RSRC1: variants seen among roughly 807,000 people sequenced by gnomAD.
RSRC1 encodes arginine and serine rich coiled-coil 1, also known as serine/Arginine-related protein 53.
In RSRC1, 39 loss-of-function variants were observed where a neutral mutation model predicts 49.1. The ratio of observed to expected loss-of-function variants is 0.79; its 90% CI spans 0.61 to 1.04. RSRC1 has a LOEUF of 1.04. Ranked by LOEUF, RSRC1 falls within the 50% of genes least tolerant of loss-of-function variation. The pLI, the probability that RSRC1 is intolerant of heterozygous loss-of-function variation, is 0.00. For synonymous variants in RSRC1, 143 were observed against 130.8 expected (o/e 1.09, Z -0.63); for missense variants, 388 against 402.4 (o/e 0.96, Z 0.31).
At chr3:158,233,609 C>A (rs73166334) in intron 4 of RSRC1, among the ~76,000 whole-genome samples, 18,306 of 152,112 alleles carry the variant, frequency 0.12, 1,366 homozygotes, top group Middle Eastern at 0.2. Context: ...GCATTCTTTT[C>A]ATGATAAATG....
In RSRC1 at chr3:158,499,391, A is replaced by G. The variant is rs1481109613; in HGVS notation, c.653-37701A>G. On this transcript the variant is annotated intron_variant, in intron 7 of 9. Transcript: ENST00000611884. ...GACTGTCTCAAAAACAAAAAAACAG[A>G]GTTTTTTTTTTTCTAATTCTGTGAA... Among the ~76,000 whole-genome samples the G allele has an allele frequency of 4.6e-5, 7 of 151,032 alleles. No homozygotes were observed. The East Asian group carries it at 1.2e-3, about 25-fold the overall frequency.
At chr3:158,156,880 T>C (rs1168640142) in intron 3 of RSRC1, among the ~76,000 whole-genome samples, 1 of 152,232 alleles carries the variant, frequency 6.6e-6, no homozygotes, top group Non-Finnish European at 1.5e-5. Flanking sequence ...GTTTGAAGTA[T>C]TGTGAGACTA....
chr3:158,156,001 T>C (rs1057215100), intron 3 of RSRC1, among the ~76,000 whole-genome samples: 1 of 152,222 alleles, frequency 6.6e-6, no homozygotes, highest in Non-Finnish European at 1.5e-5. Context: ...TGAAGCTTTG[T>C]AGCCAGGCAT....
At chr3:158,123,517 C>T (rs73164073) in intron 2 of RSRC1, among the ~76,000 whole-genome samples, 18,283 of 151,894 alleles carry the variant, frequency 0.12, 1,365 homozygotes, top group Middle Eastern at 0.2. Flanking sequence ...AAGCTGGTAT[C>T]GAATTCTTGG....
intron 5 of RSRC1, among the ~76,000 whole-genome samples, chr3:158,343,536 G>A (rs1730370692): frequency 6.6e-6 from 1 of 152,118 alleles, no homozygotes; most frequent in East Asian, 1.9e-4. Flanking sequence ...AGTAGACAAG[G>A]ACATTATTAA....
At chr3:158,253,316 T>G (rs1308005259) in intron 4 of RSRC1, among the ~76,000 whole-genome samples, 1 of 152,158 alleles carries the variant, frequency 6.6e-6, no homozygotes, top group African/African-American at 2.4e-5. Context: ...TCTCCTTAAT[T>G]TCTTCATCGA....
At chr3:158,407,045 G>A (rs919535764) in intron 6 of RSRC1, among the ~76,000 whole-genome samples, 6 of 152,044 alleles carry the variant, frequency 3.9e-5, no homozygotes, top group Non-Finnish European at 8.8e-5. Flanking sequence ...ATGTTTACCT[G>A]GGACCTTGAG....
chr3:158,119,663 T>G (rs1231416313), intron 1 of RSRC1, among the ~76,000 whole-genome samples: 3 of 151,710 alleles, frequency 2.0e-5, no homozygotes, highest in Non-Finnish European at 4.4e-5. Flanking sequence ...ATCTATTTGA[T>G]ATATATAATG....
intron 7 of RSRC1, among the ~76,000 whole-genome samples, chr3:158,463,203 A>G (rs1017602266): frequency 2.6e-5 from 4 of 152,236 alleles, no homozygotes; most frequent in Admixed American, 2.0e-4. Context: ...GTAATAATTT[A>G]GAGCATGCAA....
At chr3:158,427,598 G>A (rs1421860204) in intron 6 of RSRC1, among the ~76,000 whole-genome samples, 2 of 151,762 alleles carry the variant, frequency 1.3e-5, no homozygotes, top group African/African-American at 4.8e-5. Flanking sequence ...TCAGTAATAT[G>A]TACTAGAGAG....
At chr3:158,433,957 T>C (rs6441195) in intron 6 of RSRC1, among the ~76,000 whole-genome samples, 75,712 of 151,690 alleles carry the variant, frequency 0.5, 19,165 homozygotes, top group South Asian at 0.6. Context: ...AAGTTATCTC[T>C]TGGCAGAATA....
At position 158,420,075 on chromosome 3, in the gene RSRC1, CA is replaced by C. The variant is rs557291450; in HGVS notation, c.584-40854del. The stretch of plus-strand genomic sequence containing the variant: ...GCAGGCTCACAAAAGCCTCATCCTA[CA>C]AAAAAGTTTGAAGACTACCTGCGTT... On this transcript the variant is annotated intron_variant, in intron 6 of 9. Transcript: ENST00000611884. Among the ~76,000 whole-genome samples the C allele has an allele frequency of 7.2e-3, 1,095 of 151,996 alleles. 13 individuals are homozygous for C. The highest frequency in any genetic ancestry group is 0.026 in the African/African-American group (1,061 of 41,514).
At chr3:158,496,010 G>A (rs376888146) in intron 7 of RSRC1, among the ~76,000 whole-genome samples, 1 of 152,042 alleles carries the variant, frequency 6.6e-6, no homozygotes, top group South Asian at 2.1e-4. Flanking sequence ...TGTTATATAG[G>A]TACAAGTGTA....
In RSRC1 at chr3:158,354,848, C is replaced by A. The variant is rs201732321; in HGVS notation, c.532-9C>A. ...TGTATGGTTGAATTTTTTTTTTTTT[C>A]TTTTTTAGCCACCAGCTGAACAGGC... On this transcript the variant is annotated splice_polypyrimidine_tract_variant and intron_variant, in intron 5 of 9. Transcript: ENST00000611884. The A allele has an allele frequency of 4.1e-6, 6 of 1,454,926 alleles. No individual in the cohort carries two copies. The highest frequency in any genetic ancestry group is 5.4e-6 in the Non-Finnish European group (6 of 1,104,162). The allele number at this position is 1,454,926 out of a possible 1,614,324, so 90.1% of individuals were successfully genotyped here. A position where few individuals can be genotyped will look rare whatever the true frequency, so the allele number is the denominator to read the frequency against.
In RSRC1 at chr3:158,279,044, G is replaced by A. The variant is rs144511945; in HGVS notation, c.495-18995G>A. ...GATAAAATAGTCCACACTTCACTGC[G>A]CCTTAAAAATGACAGTTGAAGGCTC... On this transcript the variant is annotated intron_variant, in intron 4 of 9. Transcript: ENST00000611884. Among the ~76,000 whole-genome samples the A allele has an allele frequency of 3.4e-3, 517 of 152,220 alleles. 1 individual carries two copies. Among genetic ancestry groups the A allele is most frequent in the African/African-American group, 0.012 (492 of 41,538 alleles).
chr3:158,395,556 C>T (rs1016367645), intron 6 of RSRC1, among the ~76,000 whole-genome samples: 4 of 151,936 alleles, frequency 2.6e-5, no homozygotes, highest in African/African-American at 7.2e-5. Context: ...CATACATGCA[C>T]CCAACAAGTA....
intron 7 of RSRC1, among the ~76,000 whole-genome samples, chr3:158,532,428 T>C (rs1421895552): frequency 6.6e-6 from 1 of 151,956 alleles, no homozygotes. Flanking sequence ...GACCTTGTCA[T>C]CTTTATTTAC....
At chr3:158,166,423 C>T (rs148924947) in intron 3 of RSRC1, among the ~76,000 whole-genome samples, 2 of 152,034 alleles carry the variant, frequency 1.3e-5, no homozygotes, top group Non-Finnish European at 2.9e-5. Flanking sequence ...GATATATATG[C>T]CATTAGAAAG....
intron 5 of RSRC1, among the ~76,000 whole-genome samples, chr3:158,310,100 G>A (rs1045985971): frequency 2.6e-5 from 4 of 151,520 alleles, no homozygotes; most frequent in South Asian, 2.1e-4. Context: ...GTCTAATATA[G>A]TAGGTAAGAT....
Sources: allele counts gnomAD v4.1 joint callset (sites outside exome capture counted in the v4.1 genomes callset), GRCh38; gene constraint gnomAD v4.1.1; transcripts MANE v1.5; gene names NCBI Gene and HGNC (gene_info 2026-07-23, HGNC 2026-07-21).